Variants in HABP4 observed in about 807,000 individuals in gnomAD.
HABP4 encodes the protein hyaluronan binding protein 4.
Under a neutral mutation model 44.1 loss-of-function variants are expected in HABP4, and 32 were observed. The ratio of observed to expected loss-of-function variants is 0.73; its 90% CI spans 0.55 to 0.97. HABP4 has a LOEUF of 0.97. HABP4 is among the 50% of genes least tolerant of loss of function. HABP4 has a pLI of 0.00. For synonymous variants in HABP4, 216 were observed against 218.0 expected (o/e 0.99, Z 0.08); for missense variants, 503 against 561.9 (o/e 0.90, Z 1.06).
At position 96,450,688 on chromosome 9, in the gene HABP4, CG is replaced by C; in HGVS notation, c.349+65del. On this transcript the variant is annotated intron_variant, in intron 1 of 7. Coordinates refer to ENST00000375249, the MANE Select transcript of HABP4 (RefSeq NM_014282.4). This position sits in a 1 kb window ranked among gnomAD's most constrained non-coding sequence, Gnocchi z 4.8. ...TCGGCCCGCTGTGAGACTGGGGTCCCGGGGGCCGGTTTCAGGAGGAGGGGCC... is the reference window on the plus strand; with the variant it reads ...TCGGCCCGCTGTGAGACTGGGGTCCCGGGGCCGGTTTCAGGAGGAGGGGCC... The C allele has an allele frequency of 9.1e-6, 11 of 1,206,224 alleles. No individual in the cohort carries two copies. The highest frequency in any genetic ancestry group is 7.9e-5 in the South Asian group (2 of 25,330). The allele number at this position is 1,206,224 out of a possible 1,614,324, so 74.7% of individuals were successfully genotyped here.
intron 5 of HABP4, chr9:96,483,673 T>C (rs186035300): frequency 3.3e-5 from 5 of 152,396 alleles, no homozygotes; most frequent in African/African-American, 7.2e-5. Context: ...CTTTGTAGTA[T>C]AAAAGTATCT....
In HABP4 at chr9:96,490,861, C is replaced by T. The variant is rs1207281446; in HGVS notation, c.*823C>T. The T allele has an allele frequency of 6.6e-6, 1 of 152,226 alleles. No individual in the cohort carries two copies. Among genetic ancestry groups the T allele is most frequent in the African/African-American group, 2.4e-5 (1 of 41,462 alleles). The allele number at this position is 152,226 out of a possible 1,614,324, so 9.4% of individuals were successfully genotyped here. A position where few individuals can be genotyped will look rare whatever the true frequency, so the allele number is the denominator to read the frequency against. ...CGGCAGCTGCGTACAAAGGCCTCTG[C>T]CCTCGGCTTGAGCAAAAGTTGTAAA... On this transcript the variant is annotated 3_prime_UTR_variant, in exon 8 of 8. Coordinates refer to ENST00000375249, the MANE Select transcript of HABP4 (RefSeq NM_014282.4).
chr9:96,456,139 A>C (rs1832371501), intron 1 of HABP4, among the ~76,000 whole-genome samples: 1 of 152,192 alleles, frequency 6.6e-6, no homozygotes, highest in East Asian at 1.9e-4. Flanking sequence ...CACAAGCCTC[A>C]GATTATGACC....
rs1587765202 is a variant in HABP4, at chr9:96,450,625, C to T, written c.346C>T (p.Pro116Ser). 7.9e-7 allele frequency: 1 copy of T among 1,264,966 alleles called. No homozygotes were observed. Among genetic ancestry groups the T allele is most frequent in the South Asian group, 2.8e-5 (1 of 35,438 alleles). 78.4% of individuals were successfully genotyped at this position (1,264,966 alleles called of 1,614,324 possible). The change falls in exon 1 of 8, where the codon CCG becomes TCG. Residue 116 changes from proline to serine, a missense_variant. Pro to Ser is a moderately conservative substitution (Grantham distance 74). Transcript: ENST00000375249. This position sits in a 1 kb window ranked among gnomAD's most constrained non-coding sequence, Gnocchi z 4.8. Reference sequence around the variant, plus strand: ...TAGCCCCGGGGGCGGCCTGCAGGCGCCGGGTACGCGGGGACAGCGGGGTTA... The same window carrying T: ...TAGCCCCGGGGGCGGCCTGCAGGCGTCGGGTACGCGGGGACAGCGGGGTTA... ...PDSPGGGLQA[P>S]GQKRTPRRGE...
chr9:96,454,327 TG>T (rs1211966088), intron 1 of HABP4, among the ~76,000 whole-genome samples: 1 of 152,252 alleles, frequency 6.6e-6, no homozygotes, highest in Non-Finnish European at 1.5e-5. Context: ...TTGTTACTGT[TG>T]ACAAATTTTC....
intron 5 of HABP4, among the ~76,000 whole-genome samples, chr9:96,473,247 T>G (rs1040696582): frequency 6.6e-6 from 1 of 152,220 alleles, no homozygotes; most frequent in African/African-American, 2.4e-5. Context: ...CAGATGCTCC[T>G]GTGCCCAGCC....
intron 1 of HABP4, among the ~76,000 whole-genome samples, chr9:96,456,677 G>A (rs889408095): frequency 4.8e-5 from 7 of 147,288 alleles, no homozygotes; most frequent in African/African-American, 7.5e-5. Flanking sequence ...GGAGAATGGC[G>A]TGAACCCGGG....
At position 96,461,793 on chromosome 9, in the gene HABP4, G is replaced by A. The variant is rs150868749; in HGVS notation, c.512+3252G>A. Among the ~76,000 whole-genome samples the A allele has an allele frequency of 4.7e-3, 719 of 152,182 alleles. 7 individuals carry two copies. The highest frequency in any genetic ancestry group is 0.017 in the African/African-American group (696 of 41,522). Reference sequence around the variant, plus strand: ...TATAGGTATTAAAGAAACTCAAGGTGACACCCTTTTTCACTATCAGATGAG... The same window carrying A: ...TATAGGTATTAAAGAAACTCAAGGTAACACCCTTTTTCACTATCAGATGAG... On this transcript the variant is annotated intron_variant, in intron 2 of 7. Transcript: ENST00000375249.
chr9:96,484,652 A>G lies in HABP4; in HGVS notation c.999+19A>G, dbSNP rs1267637035. ...AGATGATGTAAGCATTGCATTTCGTATGTAGAGGTAATCTTTACTTTTACC... is the reference window on the plus strand; with the variant it reads ...AGATGATGTAAGCATTGCATTTCGTGTGTAGAGGTAATCTTTACTTTTACC... On this transcript the variant is annotated intron_variant, in intron 6 of 7. Coordinates refer to ENST00000375249, the MANE Select transcript of HABP4 (RefSeq NM_014282.4). 2 of 1,367,092 alleles carry G rather than the reference A, an allele frequency of 1.5e-6. No homozygotes were observed. The highest frequency in any genetic ancestry group is 1.0e-6 in the Non-Finnish European group (1 of 959,762). The allele number at this position is 1,367,092 out of a possible 1,614,324, so 84.7% of individuals were successfully genotyped here.
chr9:96,475,556 C>G (rs1173523397), intron 5 of HABP4, among the ~76,000 whole-genome samples: 1 of 152,188 alleles, frequency 6.6e-6, no homozygotes, highest in Non-Finnish European at 1.5e-5. Flanking sequence ...CAATACCTGC[C>G]TAAGGTCACC....
chr9:96,467,647 T>C (rs1267228217), intron 4 of HABP4, among the ~76,000 whole-genome samples: 4 of 151,916 alleles, frequency 2.6e-5, no homozygotes, highest in Non-Finnish European at 5.9e-5. Flanking sequence ...TGCCTTAGCT[T>C]TCCGAATAGC....
Position 96,450,621 on chromosome 9 carries a change from G to A in HABP4, c.342G>A (p.Gln114=). 7.9e-7 allele frequency: 1 copy of A among 1,265,970 alleles called. No homozygotes were observed. Among genetic ancestry groups the A allele is most frequent in the Non-Finnish European group, 9.9e-7 (1 of 1,006,594 alleles). The allele number at this position is 1,265,970 out of a possible 1,614,324, so 78.4% of individuals were successfully genotyped here. The change falls in exon 1 of 8, where the codon CAG becomes CAA. Residue 114 remains glutamine, a synonymous_variant. Transcript: ENST00000375249. This position sits in a 1 kb window ranked among gnomAD's most constrained non-coding sequence, Gnocchi z 4.8. ...QRPDSPGGGL[Q]APGQKRTPRR... is the part of the protein sequence containing the mutation. The stretch of plus-strand genomic sequence containing the variant: ...CCGATAGCCCCGGGGGCGGCCTGCA[G>A]GCGCCGGGTACGCGGGGACAGCGGG...
chr9:96,473,767 A>T (rs2131143022), intron 5 of HABP4, among the ~76,000 whole-genome samples: 1 of 152,180 alleles, frequency 6.6e-6, no homozygotes, highest in African/African-American at 2.4e-5. Context: ...TACAGCTTTC[A>T]CAAGTGTTGT....
intron 4 of HABP4, among the ~76,000 whole-genome samples, chr9:96,469,273 C>A (rs192191122): frequency 6.2e-4 from 95 of 152,272 alleles, no homozygotes; most frequent in African/African-American, 2.2e-3. Context: ...TGCCTTTCAA[C>A]TTTTATTGTG....
At chr9:96,482,299 C>A (rs7865488) in intron 5 of HABP4, among the ~76,000 whole-genome samples, 27,940 of 152,070 alleles carry the variant, frequency 0.18, 2,780 homozygotes, top group African/African-American at 0.24. Flanking sequence ...CTCCCCATTT[C>A]TCCTCAGCAT....
intron 5 of HABP4, among the ~76,000 whole-genome samples, chr9:96,471,763 C>T (rs1278811428): frequency 2.0e-5 from 3 of 152,074 alleles, no homozygotes; most frequent in East Asian, 1.9e-4. Flanking sequence ...ATACCGGCTC[C>T]GTCTCCAGCA....
intron 2 of HABP4, among the ~76,000 whole-genome samples, chr9:96,460,527 C>T (rs963831680): frequency 2.0e-5 from 3 of 152,202 alleles, no homozygotes; most frequent in African/African-American, 7.2e-5. Flanking sequence ...AGACTTTACT[C>T]AGATTTCACC....
At chr9:96,475,034 T>C (rs1832759570) in intron 5 of HABP4, among the ~76,000 whole-genome samples, 1 of 152,214 alleles carries the variant, frequency 6.6e-6, no homozygotes. Context: ...CATAGTGTTC[T>C]AGTGTCCGAC....
Position 96,458,371 on chromosome 9 carries a change from G to C in HABP4, c.350-8G>C, listed in dbSNP as rs369785143. ...TTCCAGCTCTCTGCTTTGATTTTCTGTTGGTAGGCCAGAAGCGGACTCCTA... is the reference window on the plus strand; with the variant it reads ...TTCCAGCTCTCTGCTTTGATTTTCTCTTGGTAGGCCAGAAGCGGACTCCTA... On this transcript the variant is annotated splice_polypyrimidine_tract_variant and splice_region_variant and intron_variant, in intron 1 of 7. Transcript: ENST00000375249. The C allele has an allele frequency of 6.2e-7, 1 of 1,613,636 alleles. No homozygotes were observed. Among genetic ancestry groups the C allele is most frequent in the African/African-American group, 1.3e-5 (1 of 74,922 alleles).
Sources: allele counts gnomAD v4.1 joint callset (sites outside exome capture counted in the v4.1 genomes callset), GRCh38; gene constraint gnomAD v4.1.1; non-coding constraint Gnocchi (gnomAD v3.1); transcripts MANE v1.5; gene names NCBI Gene and HGNC (gene_info 2026-07-23, HGNC 2026-07-21).